Variants in MAP4K4 observed in about 807,000 individuals in gnomAD.
MAP4K4 encodes mitogen-activated protein kinase kinase kinase kinase 4.
Under a neutral mutation model 189.6 loss-of-function variants are expected in MAP4K4, and 38 were observed. The observed-to-expected ratio is 0.20, with a 90% CI of 0.15 to 0.26. The LOEUF is 0.26. MAP4K4 is among the 10% of genes least tolerant of loss of function. MAP4K4 has a pLI of 1.00. For synonymous variants in MAP4K4, 610 were observed against 624.3 expected, an observed-to-expected ratio of 0.98 and a Z score of 0.34; for missense variants, 1,054 against 1,726.9, an observed-to-expected ratio of 0.61 and a Z score of 6.91.
At chr2:101,778,379 G>C (rs1365942602) in intron 2 of MAP4K4, among the ~76,000 whole-genome samples, 1 of 152,086 alleles carries the variant, frequency 6.6e-6, no homozygotes, top group Non-Finnish European at 1.5e-5. Flanking sequence ...AATCGCTTTT[G>C]TATCTTTTTT....
At chr2:101,870,707 A>G in intron 23 of MAP4K4, 1 of 295,324 alleles carries the variant, frequency 3.4e-6, no homozygotes. Context: ...GAGAAGCCAC[A>G]GGGAGTCCTT....
intron 16 of MAP4K4, 57 bp from the exon 17 acceptor site, chr2:101,863,764 G>A (rs753844202): frequency 1.4e-5 from 17 of 1,245,206 alleles, no homozygotes; most frequent in South Asian, 2.4e-5. Context: ...GTATTGACCA[G>A]AAAAGCCAGT....
At chr2:101,853,221 A>G (rs1031324292) in intron 12 of MAP4K4, among the ~76,000 whole-genome samples, 1 of 152,236 alleles carries the variant, frequency 6.6e-6, no homozygotes, top group African/African-American at 2.4e-5. Context: ...TGGACAGCCA[A>G]GATTACCAGA....
chr2:101,853,336 T>C (rs2097345765), intron 12 of MAP4K4, among the ~76,000 whole-genome samples: 1 of 152,120 alleles, frequency 6.6e-6, no homozygotes, highest in East Asian at 1.9e-4. Context: ...CTCCTACATA[T>C]ATACATATAC....
intron 12 of MAP4K4, among the ~76,000 whole-genome samples, chr2:101,844,631 T>C (rs2097032477): frequency 6.6e-6 from 1 of 152,226 alleles, no homozygotes; most frequent in African/African-American, 2.4e-5. Flanking sequence ...TCTTTTTGCA[T>C]TATGGTTTAA....
At chr2:101,873,529 G>T in intron 24 of MAP4K4, 118 bp from the exon 25 acceptor site, 1 of 617,454 alleles carries the variant, frequency 1.6e-6, no homozygotes, top group Non-Finnish European at 2.9e-6. Flanking sequence ...AATGATGCAA[G>T]GCAAATAGAG....
intron 1 of MAP4K4, 73 bp downstream of exon 1, chr2:101,698,210 G>A: frequency 1.4e-6 from 1 of 698,686 alleles, no homozygotes; most frequent in Non-Finnish European, 1.8e-6. Flanking sequence ...CGCCCAGGTC[G>A]GCCGGGCGCT....
chr2:101,801,887 G>GCAA (rs1371723104), intron 3 of MAP4K4, among the ~76,000 whole-genome samples: 1 of 152,136 alleles, frequency 6.6e-6, no homozygotes, highest in Non-Finnish European at 1.5e-5. Context: ...TCAGTTGGTG[G>GCAA]CAACTCCACC....
exon 28 of MAP4K4, chr2:101,882,624 TGAG>T: frequency 6.2e-7 from 1 of 1,612,772 alleles, no homozygotes; most frequent in Non-Finnish European, 8.5e-7. Context: ...ATCCAGAAGT[TGAG>T]AAGAAGCAGG....
At chr2:101,797,889 G>GTGTTTTTTTTTT (rs1553478618) in intron 3 of MAP4K4, among the ~76,000 whole-genome samples, 1,397 of 52,298 alleles carry the variant, frequency 0.027, 377 homozygotes, top group African/African-American at 0.04. Context: ...CATTCTTTTA[G>GTGTTTTTTTTTT]TTTTTTTTTT....
Position 101,701,176 on chromosome 2 carries a change from A to G in MAP4K4, c.123+2638A>G, listed in dbSNP as rs556259322. Among the ~76,000 whole-genome samples, 6 of 152,196 alleles carry G rather than the reference A, an allele frequency of 3.9e-5. No homozygotes were observed. The East Asian group carries it at 9.6e-4, about 24-fold the overall frequency. On this transcript the variant is annotated intron_variant, in intron 2 of 32. Coordinates refer to ENST00000324219, the Ensembl canonical transcript of MAP4K4. The stretch of plus-strand genomic sequence containing the variant: ...AATTTATTTTAGTGTCATATTTTCT[A>G]TTTTTCATTAGCGCAGATGTTGCTT...
At chr2:101,819,477 GCTAA>G (rs1318353568) in intron 3 of MAP4K4, among the ~76,000 whole-genome samples, 1 of 152,158 alleles carries the variant, frequency 6.6e-6, no homozygotes. Context: ...AATTAGTGGT[GCTAA>G]CTGCCTTTTT....
chr2:101,728,128 C>A (rs546253749), intron 2 of MAP4K4, among the ~76,000 whole-genome samples: 1 of 152,336 alleles, frequency 6.6e-6, no homozygotes, highest in East Asian at 1.9e-4. Context: ...AGTAATCTCC[C>A]TATTTCCCAG....
In MAP4K4 at chr2:101,860,991, C is replaced by G; in HGVS notation, c.1866+5C>G. On this transcript the variant is annotated splice_donor_5th_base_variant and intron_variant, in intron 16 of 32. Transcript: ENST00000324219. ...CAGAGACCAGCGGAGCCACAGGTAG[C>G]GACAGCCAGCTTTGCTGTGGTTGAG... The G allele has an allele frequency of 6.3e-7, 1 of 1,587,660 alleles. No individual in the cohort carries two copies. The highest frequency in any genetic ancestry group is 1.1e-5 in the South Asian group (1 of 86,976).
intron 10 of MAP4K4, among the ~76,000 whole-genome samples, chr2:101,842,378 C>G (rs917798946): frequency 6.6e-6 from 1 of 152,160 alleles, no homozygotes; most frequent in Non-Finnish European, 1.5e-5. Context: ...AAGGTTGGCT[C>G]GAATGCCGTG....
intron 2 of MAP4K4, among the ~76,000 whole-genome samples, chr2:101,778,813 A>G (rs2085735884): frequency 6.6e-6 from 1 of 152,114 alleles, no homozygotes; most frequent in Admixed American, 6.5e-5. Context: ...GTTCTGGAAC[A>G]CAGACCTTTG....
exon 8 of MAP4K4, chr2:101,834,411 T>C: frequency 6.2e-7 from 1 of 1,605,722 alleles, no homozygotes. Context: ...TTTTGCAGAG[T>C]GATCTTTGGT....
intron 2 of MAP4K4, among the ~76,000 whole-genome samples, chr2:101,704,489 C>T (rs1283276340): frequency 7.0e-6 from 1 of 142,114 alleles, no homozygotes; most frequent in African/African-American, 2.7e-5. Flanking sequence ...AAACTCAACT[C>T]GTATTTTGCC....
chr2:101,816,158 G>A (rs533446810), intron 3 of MAP4K4, among the ~76,000 whole-genome samples: 2 of 152,264 alleles, frequency 1.3e-5, no homozygotes, highest in African/African-American at 4.8e-5. Context: ...CAACTCTCAG[G>A]GTCACTGCCC....
Sources: gnomAD v4.1 joint callset for allele counts (sites outside exome capture counted in the v4.1 genomes callset) on GRCh38, gnomAD v4.1.1 for gene constraint, MANE v1.5 for transcripts, NCBI Gene and HGNC (gene_info 2026-07-23, HGNC 2026-07-21) for gene names.